The following MMP8 variants were observed in gnomAD, a reference collection of about 807,000 sequenced individuals.
The protein encoded by MMP8 is matrix metallopeptidase 8.
A neutral mutation model predicts 51.2 loss-of-function variants in MMP8; 67 were observed. The ratio of observed to expected loss-of-function variants is 1.31; its 90% confidence interval spans 1.08 to 1.60. The LOEUF (loss-of-function observed/expected upper bound fraction) is 1.60, where lower values mean the gene tolerates loss of function less well. Among genes scored for constraint, MMP8 ranks in the 40% most tolerant of loss-of-function variants. The pLI is 0.00. For synonymous variants in MMP8, 225 were observed against 191.0 expected, an observed-to-expected ratio of 1.18 and a Z score of -1.47; for missense variants, 654 against 558.1, an observed-to-expected ratio of 1.17 and a Z score of -1.73.
chr11:102,721,400 C>T lies in MMP8; in HGVS notation c.622+1G>A. ...TGTGGACATAATCTTGATTAACTTA[C>T]TTGCGGAGGTGTTGGTCCATGTTTC... On this transcript the variant is annotated splice_donor_variant, in intron 4 of 9. Coordinates refer to ENST00000236826, the MANE Select transcript of MMP8 (RefSeq NM_002424.3). LOFTEE classifies it high-confidence loss of function. The T allele has an allele frequency of 6.2e-7, 1 of 1,613,394 alleles. No homozygotes were observed. Among genetic ancestry groups the T allele is most frequent in the Non-Finnish European group, 8.5e-7 (1 of 1,179,630 alleles).
In MMP8 at chr11:102,713,118, CT is replaced by C. The variant is rs1303749791; in HGVS notation, c.*229del. 5.0e-6 allele frequency: 2 copies of C among 403,124 alleles called. No individual in the cohort carries two copies. The highest frequency in any genetic ancestry group is 4.2e-5 in the African/African-American group (2 of 48,164). The allele number at this position is 403,124 out of a possible 1,614,324, so 25.0% of individuals were successfully genotyped here. The stretch of plus-strand genomic sequence containing the variant: ...TGACAAAAAGGCTTACTTTCCTTCT[CT>C]TTGATGGAATCACTAATGTAAGATG... On this transcript the variant is annotated 3_prime_UTR_variant, in exon 10 of 10. Transcript: ENST00000236826.
intron 5 of MMP8, among the ~76,000 whole-genome samples, chr11:102,716,845 T>G (rs1208205416): frequency 6.6e-6 from 1 of 152,214 alleles, no homozygotes; most frequent in Non-Finnish European, 1.5e-5. Context: ...AGTCAAATTT[T>G]AGCAATATTT....
In MMP8 at chr11:102,712,829, G is replaced by A. The variant is rs1420178248; in HGVS notation, c.*519C>T. ...GAACTTCAACATATCTTTTATGGGGGACACAATTCAACCCACGAAACATAT... is the reference window on the plus strand; with the variant it reads ...GAACTTCAACATATCTTTTATGGGGAACACAATTCAACCCACGAAACATAT... On this transcript the variant is annotated 3_prime_UTR_variant, in exon 10 of 10. Coordinates refer to ENST00000236826, the MANE Select transcript of MMP8 (RefSeq NM_002424.3). 6.6e-6 allele frequency: 1 copy of A among 152,332 alleles called. No homozygotes were observed. The highest frequency in any genetic ancestry group is 1.5e-5 in the Non-Finnish European group (1 of 68,246). The allele number at this position is 152,332 out of a possible 1,614,324, so 9.4% of individuals were successfully genotyped here.
intron 6 of MMP8, among the ~76,000 whole-genome samples, chr11:102,716,088 A>G (rs185831823): frequency 1.6e-4 from 25 of 152,260 alleles, no homozygotes; most frequent in African/African-American, 5.8e-4. Flanking sequence ...AGACACAAAA[A>G]TGGTACAAAT....
chr11:102,723,953 G>A (rs1219577832), intron 1 of MMP8: 1 of 327,230 alleles, frequency 3.1e-6, no homozygotes, highest in Non-Finnish European at 6.5e-6. Flanking sequence ...TCTCTGAAAT[G>A]AAAATAATAA....
chr11:102,720,333 C>A (rs981705197), intron 4 of MMP8, among the ~76,000 whole-genome samples: 1 of 152,070 alleles, frequency 6.6e-6, no homozygotes, highest in Non-Finnish European at 1.5e-5. Flanking sequence ...ATGGAGAGTC[C>A]AGTTAGGAAT....
At chr11:102,724,139 A>G (rs988434127) in intron 1 of MMP8, among the ~76,000 whole-genome samples, 1 of 152,216 alleles carries the variant, frequency 6.6e-6, no homozygotes, top group African/African-American at 2.4e-5. Flanking sequence ...AAAACTGTGC[A>G]TGAGAGATTT....
chr11:102,718,172 C>G (rs1019679444), intron 5 of MMP8, among the ~76,000 whole-genome samples: 11 of 151,958 alleles, frequency 7.2e-5, no homozygotes, highest in Admixed American at 5.9e-4. Context: ...AAATCCCCAC[C>G]ATCCAAAGAC....
In MMP8 at chr11:102,715,278, A is replaced by T. The variant is rs762070859; in HGVS notation, c.1036+26T>A. The stretch of plus-strand genomic sequence containing the variant: ...CCCCCTCCCTTCAGGCAGAACTAAC[A>T]TAAGATGAAAACTTTAGGAAGTTAC... On this transcript the variant is annotated intron_variant, in intron 7 of 9. Coordinates refer to ENST00000236826, the MANE Select transcript of MMP8 (RefSeq NM_002424.3). 9 of 1,597,876 alleles carry T rather than the reference A, an allele frequency of 5.6e-6. No homozygotes were observed. The African/African-American group carries it at 9.5e-5, about 17-fold the overall frequency.
chr11:102,722,742 C>A, intron 1 of MMP8, 69 bp from the exon 2 acceptor site: 3 of 1,577,622 alleles, frequency 1.9e-6, no homozygotes, highest in East Asian at 2.3e-5. Flanking sequence ...ATTTTGCAAC[C>A]CTTTCTAAGT....
At chr11:102,719,026 G>A (rs1343946155) in intron 4 of MMP8, among the ~76,000 whole-genome samples, 1 of 152,170 alleles carries the variant, frequency 6.6e-6, no homozygotes, top group African/African-American at 2.4e-5. Flanking sequence ...AGCCTCAGAT[G>A]GAGGGCTGGC....
Position 102,722,447 on chromosome 11 carries a change from C to A in MMP8, c.329G>T (p.Arg110Leu), listed in dbSNP as rs201312052. ...MLTPGNPKWE[R>L]TNLTYRIRNY... ...ATATCACCTGTAGGTCAAGTTAGTGCGTTCCCACTTGGGGTTTCCTGGGGT... is the reference window on the plus strand; with the variant it reads ...ATATCACCTGTAGGTCAAGTTAGTGAGTTCCCACTTGGGGTTTCCTGGGGT... The change falls in exon 2 of 10, where the codon CGC (arginine) becomes CTC (leucine). Residue 110 changes from arginine to leucine, a missense_variant. Coordinates refer to ENST00000236826, the MANE Select transcript of MMP8 (RefSeq NM_002424.3). 2.5e-6 allele frequency: 4 copies of A among 1,613,568 alleles called. No homozygotes were observed. The highest frequency in any genetic ancestry group is 3.4e-6 in the Non-Finnish European group (4 of 1,179,754).
intron 9 of MMP8, 120 bp downstream of exon 9, chr11:102,713,634 G>T: frequency 2.9e-6 from 3 of 1,043,186 alleles, no homozygotes; most frequent in African/African-American, 1.6e-5. Flanking sequence ...GGGAGGCTGA[G>T]GTGGGAGGAT....
chr11:102,713,984 T>C, intron 8 of MMP8, 127 bp from the exon 9 acceptor site: 2 of 565,726 alleles, frequency 3.5e-6, no homozygotes, highest in Non-Finnish European at 6.1e-6. Context: ...CACAATGCCC[T>C]GTTTACTAGG....
In MMP8 at chr11:102,721,262, T is replaced by G. The variant is rs1017282624; in HGVS notation, c.622+139A>C. ...CCCAAATTGACTTAGTATCATGAGG[T>G]AGCAAAAATTTCAAATGATCACTTT... is the stretch of plus-strand genomic sequence containing the variant. On this transcript the variant is annotated intron_variant, in intron 4 of 9. Transcript: ENST00000236826. 3.2e-6 allele frequency: 4 copies of G among 1,231,700 alleles called. No individual in the cohort carries two copies. In the South Asian group the frequency reaches 6.4e-5, roughly 20 times the overall value. 76.3% of individuals were successfully genotyped at this position (1,231,700 alleles called of 1,614,324 possible).
intron 7 of MMP8, 54 bp from the exon 8 acceptor site, chr11:102,714,763 TA>T (rs1861234381): frequency 4.8e-3 from 15 of 3,112 alleles, no homozygotes; most frequent in East Asian, 0.019. Context: ...TTTACAAAAT[TA>T]TATATATATA....
intron 4 of MMP8, among the ~76,000 whole-genome samples, chr11:102,720,065 C>G (rs1433037411): frequency 6.6e-6 from 1 of 152,016 alleles, no homozygotes; most frequent in Non-Finnish European, 1.5e-5. Flanking sequence ...AGGGTGTGAC[C>G]TAGAAACAGT....
At chr11:102,714,005 G>A (rs917589138) in intron 8 of MMP8, 148 bp from the exon 9 acceptor site, 1 of 531,922 alleles carries the variant, frequency 1.9e-6, no homozygotes, top group Non-Finnish European at 3.3e-6. Context: ...ATTAAGAATG[G>A]TTAATTTCTC....
chr11:102,722,311 T>A (rs948218), intron 2 of MMP8, 118 bp downstream of exon 2: 652,311 of 1,142,068 alleles, frequency 0.57, 188,826 homozygotes, highest in African/African-American at 0.76. Context: ...CTCACACTCT[T>A]CAAAGGCAGG....
Sources: gnomAD v4.1 joint callset for allele counts (sites outside exome capture counted in the v4.1 genomes callset) on GRCh38, gnomAD v4.1.1 for gene constraint, MANE v1.5 for transcripts, NCBI Gene and HGNC (gene_info 2026-07-23, HGNC 2026-07-21) for gene names.